BCL2L14: variants seen among roughly 807,000 people sequenced by gnomAD.
BCL2L14 encodes the protein apoptosis facilitator Bcl-2-like protein 14.
Under a neutral mutation model 35.3 loss-of-function variants are expected in BCL2L14, and 27 were observed. The observed-to-expected ratio is 0.76, with a 90% CI of 0.56 to 1.05. BCL2L14 has a LOEUF of 1.05. Among genes scored for constraint, BCL2L14 ranks in the 50% least tolerant of loss-of-function variants. BCL2L14 has a pLI of 0.00. For synonymous variants in BCL2L14, 139 were observed against 145.9 expected (o/e 0.95, Z 0.34); for missense variants, 377 against 382.6 (o/e 0.99, Z 0.12).
intron 2 of BCL2L14, among the ~76,000 whole-genome samples, chr12:12,085,815 C>A (rs1353519477): frequency 6.6e-6 from 1 of 152,150 alleles, no homozygotes; most frequent in African/African-American, 2.4e-5. Context: ...TCCCAGGCCC[C>A]CTACTTGCCT....
At chr12:12,064,636 T>C (rs922365860) in intron 2 of BCL2L14, among the ~76,000 whole-genome samples, 2 of 152,134 alleles carry the variant, frequency 1.3e-5, no homozygotes, top group African/African-American at 4.8e-5. Context: ...CTCTCAACCA[T>C]CTCCAATTTT....
intron 2 of BCL2L14, among the ~76,000 whole-genome samples, chr12:12,058,822 A>G (rs927334102): frequency 6.6e-6 from 1 of 152,158 alleles, no homozygotes; most frequent in Non-Finnish European, 1.5e-5. Flanking sequence ...CTCCCTTGGG[A>G]GATCAATCCC....
chr12:12,080,225 G>A (rs1158788171), intron 2 of BCL2L14, among the ~76,000 whole-genome samples: 1 of 151,486 alleles, frequency 6.6e-6, no homozygotes, highest in Admixed American at 6.6e-5. Context: ...ATGACTAAAA[G>A]GAAATGATGG....
At position 12,099,391 on chromosome 12, in the gene BCL2L14, A is replaced by G. The variant is rs1324348408; in HGVS notation, c.*403A>G. The G allele has an allele frequency of 3.4e-5, 6 of 178,192 alleles. No individual in the cohort carries two copies. The highest frequency in any genetic ancestry group is 5.8e-5 in the Non-Finnish European group (5 of 86,246). 11.0% of individuals were successfully genotyped at this position (178,192 alleles called of 1,614,324 possible). Reference sequence around the variant, plus strand: ...TGTTTCCACTTCCGTTTCTAGTACTATTTATTTTTAAACTACACTTGGGGT... The same window carrying G: ...TGTTTCCACTTCCGTTTCTAGTACTGTTTATTTTTAAACTACACTTGGGGT... On this transcript the variant is annotated 3_prime_UTR_variant, in exon 6 of 6. Coordinates refer to ENST00000308721, the MANE Select transcript of BCL2L14 (RefSeq NM_138723.2).
intron 2 of BCL2L14, among the ~76,000 whole-genome samples, chr12:12,059,359 C>G (rs1948487456): frequency 6.6e-6 from 1 of 151,942 alleles, no homozygotes; most frequent in South Asian, 2.1e-4. Flanking sequence ...AGCGGCAAGT[C>G]CGGCTTTTCT....
At chr12:12,098,427 A>G (rs1486879101) in intron 5 of BCL2L14, among the ~76,000 whole-genome samples, 1 of 152,228 alleles carries the variant, frequency 6.6e-6, no homozygotes, top group Non-Finnish European at 1.5e-5. Context: ...ATTCCTCTAC[A>G]TAACACCATA....
Position 12,071,912 on chromosome 12 carries a change from GGA to G in BCL2L14, c.-8+779_-8+780del, listed in dbSNP as rs200194424. On this transcript the variant is annotated intron_variant, in intron 1 of 5. Coordinates refer to ENST00000308721, the MANE Select transcript of BCL2L14 (RefSeq NM_138723.2). ...TGAGAGGTCTGAAGTGAGGGGGAGA[GGA>G]GAGGGGCAGAAGGGGAGGCTCCGGA... 9.4e-3 allele frequency: 1,444 copies of G among 153,194 alleles called. 22 individuals carry two copies. The highest frequency in any genetic ancestry group is 0.02 in the Middle Eastern group (6 of 304). The allele number at this position is 153,194 out of a possible 1,614,324, so 9.5% of individuals were successfully genotyped here.
intron 2 of BCL2L14, among the ~76,000 whole-genome samples, chr12:12,083,057 T>C (rs942093354): frequency 2.6e-5 from 4 of 152,168 alleles, no homozygotes. Context: ...CTCTGCCTCC[T>C]GGGTTCACAC....
chr12:12,070,338 T>G (rs576709530), upstream of BCL2L14, among the ~76,000 whole-genome samples: 2 of 152,342 alleles, frequency 1.3e-5, no homozygotes, highest in East Asian at 3.9e-4. Context: ...TGAGCCTCAG[T>G]TTCCTCATCT....
intron 1 of BCL2L14, chr12:12,077,612 T>G (rs759008147): frequency 6.6e-6 from 1 of 152,546 alleles, no homozygotes; most frequent in Non-Finnish European, 1.5e-5. Flanking sequence ...CTACCACTTT[T>G]GAACCAGGTT....
chr12:12,073,090 G>A (rs1948702365), intron 1 of BCL2L14, among the ~76,000 whole-genome samples: 1 of 152,272 alleles, frequency 6.6e-6, no homozygotes. Context: ...GCCAAGGCTG[G>A]TCTTGAACTC....
intron 1 of BCL2L14, 47 bp from the exon 2 acceptor site, chr12:12,079,251 GT>G (rs1216103533): frequency 6.7e-7 from 1 of 1,486,682 alleles, no homozygotes; most frequent in Non-Finnish European, 9.2e-7. Flanking sequence ...CCTGCAAAGG[GT>G]AAGTGGCCCT....
chr12:12,081,191 A>C (rs1288616118), intron 2 of BCL2L14, among the ~76,000 whole-genome samples: 1 of 152,030 alleles, frequency 6.6e-6, no homozygotes, highest in Non-Finnish European at 1.5e-5. Context: ...CATCACGTCG[A>C]TACTCTCAGC....
At chr12:12,093,265 C>T (rs1055418098) in intron 4 of BCL2L14, among the ~76,000 whole-genome samples, 1 of 152,118 alleles carries the variant, frequency 6.6e-6, no homozygotes, top group South Asian at 2.1e-4. Flanking sequence ...TCCATGCTCC[C>T]GTAGCATCCT....
At chr12:12,057,156 A>C (rs1948445419) in intron 2 of BCL2L14, among the ~76,000 whole-genome samples, 1 of 152,248 alleles carries the variant, frequency 6.6e-6, no homozygotes, top group Non-Finnish European at 1.5e-5. Flanking sequence ...ACAAACAGGC[A>C]AAACTGGAAA....
chr12:12,069,325 G>T (rs1948629997), upstream of BCL2L14, among the ~76,000 whole-genome samples: 1 of 152,098 alleles, frequency 6.6e-6, no homozygotes, highest in Admixed American at 6.6e-5. Context: ...GGGCTTGCAG[G>T]CTTGAGACAC....
intron 3 of BCL2L14, among the ~76,000 whole-genome samples, chr12:12,090,149 T>C (rs1257864745): frequency 6.6e-6 from 1 of 152,166 alleles, no homozygotes; most frequent in African/African-American, 2.4e-5. Flanking sequence ...GACAGAATCC[T>C]GTGCTGTGAA....
rs575910837 is a variant in BCL2L14 at position 12,088,137 on chromosome 12, A to G, written c.607+751A>G. On this transcript the variant is annotated intron_variant, in intron 3 of 5. Coordinates refer to ENST00000308721, the MANE Select transcript of BCL2L14 (RefSeq NM_138723.2). ...GGAATCGAGGACATGGACACACACA[A>G]GAAGTGAGTTTAGCGGCAGAGGTTT... Among the ~76,000 whole-genome samples, 8 of 152,316 alleles carry G rather than the reference A, an allele frequency of 5.3e-5. No homozygotes were observed. In the East Asian group the frequency reaches 1.2e-3, roughly 22 times the overall value.
At chr12:12,053,373 A>C (rs922229401) in intron 2 of BCL2L14, among the ~76,000 whole-genome samples, 11 of 151,888 alleles carry the variant, frequency 7.2e-5, no homozygotes, top group Middle Eastern at 3.4e-3. Context: ...CTCAGGGGAC[A>C]CAATCTATAC....
Sources: allele counts gnomAD v4.1 joint callset (sites outside exome capture counted in the v4.1 genomes callset), GRCh38; gene constraint gnomAD v4.1.1; transcripts MANE v1.5; gene names NCBI Gene and HGNC (gene_info 2026-07-23, HGNC 2026-07-21).